Variants in PCCB observed in about 807,000 individuals in gnomAD.
The protein encoded by PCCB is propionyl-CoA carboxylase subunit beta.
In PCCB, 43 loss-of-function variants were observed where a neutral mutation model predicts 60.7. The ratio of observed to expected loss-of-function variants is 0.71; its 90% CI spans 0.55 to 0.91. PCCB has a LOEUF of 0.91. Among genes scored for constraint, PCCB ranks in the 40% least tolerant of loss-of-function variants. The pLI is 0.00. For missense variants in PCCB, 766 were observed against 702.8 expected, an observed-to-expected ratio of 1.09 and a Z score of -1.02; for synonymous variants, 276 against 255.9, an observed-to-expected ratio of 1.08 and a Z score of -0.75.
chr3:136,301,013 C>G lies in PCCB; in HGVS notation c.885-17C>G. 1 of 1,610,602 alleles carries G rather than the reference C, an allele frequency of 6.2e-7. No individual in the cohort carries two copies. Among genetic ancestry groups the G allele is most frequent in the Non-Finnish European group, 8.5e-7 (1 of 1,176,814 alleles). On this transcript the variant is annotated splice_polypyrimidine_tract_variant and intron_variant, in intron 8 of 14. Coordinates refer to ENST00000251654, the MANE Select transcript of PCCB (RefSeq NM_000532.5). The stretch of plus-strand genomic sequence containing the variant: ...CTCTTCCTATGTTGACTATACCTGC[C>G]TTTTTTCTGCCTAAAGTGACCGTCT...
intron 6 of PCCB, among the ~76,000 whole-genome samples, chr3:136,286,102 G>A (rs1435984151): frequency 1.3e-5 from 2 of 152,168 alleles, no homozygotes; most frequent in Non-Finnish European, 1.5e-5. Context: ...GAACTTGTAG[G>A]TAAATGGACA....
intron 14 of PCCB, 38 bp downstream of exon 14, chr3:136,328,895 T>C (rs552750421): frequency 2.7e-6 from 4 of 1,464,062 alleles, no homozygotes; most frequent in Admixed American, 1.7e-5. Flanking sequence ...TTTGTTTGTT[T>C]GGTCAACTTG....
At position 136,293,758 on chromosome 3, in the gene PCCB, C is replaced by T; in HGVS notation, c.657C>T (p.Asp219=). The T allele has an allele frequency of 6.3e-7, 1 of 1,599,190 alleles. No homozygotes were observed. The highest frequency in any genetic ancestry group is 8.6e-7 in the Non-Finnish European group (1 of 1,166,492). The change falls in exon 7 of 15, where the codon GAC becomes GAT. Residue 219 remains aspartate, a splice_region_variant and synonymous_variant. Coordinates refer to ENST00000251654, the MANE Select transcript of PCCB (RefSeq NM_000532.5). The part of the protein sequence containing the change: ...ALTDFTFMVK[D]TSYLFITGPD... ...GTTCTGGAAATCTTTTATTTCAGGACACCTCCTACCTGTTCATCACTGGCC... is the reference window on the plus strand; with the variant it reads ...GTTCTGGAAATCTTTTATTTCAGGATACCTCCTACCTGTTCATCACTGGCC...
intron 5 of PCCB, among the ~76,000 whole-genome samples, chr3:136,282,471 T>C (rs1942505885): frequency 1.3e-5 from 2 of 152,208 alleles, no homozygotes; most frequent in Non-Finnish European, 2.9e-5. Context: ...TTTTGAGTTA[T>C]TTTTAGTAGT....
intron 7 of PCCB, among the ~76,000 whole-genome samples, chr3:136,295,834 G>GTTT (rs777323234): frequency 1.4e-5 from 2 of 138,842 alleles, no homozygotes; most frequent in Non-Finnish European, 1.6e-5. Flanking sequence ...TGTAACCTGA[G>GTTT]TTTTTTTTTT....
chr3:136,277,237 G>C (rs1942351207), intron 5 of PCCB, among the ~76,000 whole-genome samples: 1 of 152,200 alleles, frequency 6.6e-6, no homozygotes, highest in Non-Finnish European at 1.5e-5. Context: ...AGGACCTCCT[G>C]GTTAGCCAGG....
chr3:136,317,878 T>C (rs960273738), intron 10 of PCCB, among the ~76,000 whole-genome samples: 1 of 152,224 alleles, frequency 6.6e-6, no homozygotes, highest in African/African-American at 2.4e-5. Context: ...TCCATGGCTG[T>C]GCTCTGGGAG....
At chr3:136,254,887 T>G (rs1941626216) in intron 1 of PCCB, among the ~76,000 whole-genome samples, 1 of 151,474 alleles carries the variant, frequency 6.6e-6, no homozygotes, top group Non-Finnish European at 1.5e-5. Flanking sequence ...GCTTTTTTTT[T>G]TTTTTGGGAC....
chr3:136,315,034 A>G (rs1281995475), intron 9 of PCCB, among the ~76,000 whole-genome samples: 1 of 152,204 alleles, frequency 6.6e-6, no homozygotes, highest in African/African-American at 2.4e-5. Context: ...AATAGAAGTC[A>G]TGCTTTACAA....
intron 5 of PCCB, among the ~76,000 whole-genome samples, chr3:136,269,778 C>T (rs1008017533): frequency 2.0e-5 from 3 of 149,842 alleles, no homozygotes; most frequent in Non-Finnish European, 3.0e-5. Flanking sequence ...CCCAGCTACT[C>T]GGGAGGCTGA....
intron 5 of PCCB, among the ~76,000 whole-genome samples, chr3:136,281,166 C>T (rs140904061): frequency 2.2e-4 from 34 of 151,858 alleles, no homozygotes; most frequent in Admixed American, 3.9e-4. Flanking sequence ...ATACTTATGT[C>T]TTTCATCAAA....
chr3:136,260,435 G>A (rs1941789932), intron 3 of PCCB, 44 bp from the exon 4 acceptor site: 1 of 1,513,486 alleles, frequency 6.6e-7, no homozygotes, highest in Non-Finnish European at 9.2e-7. Context: ...TTCATCTCTA[G>A]CCAGTCACTA....
intron 5 of PCCB, among the ~76,000 whole-genome samples, chr3:136,275,517 C>G (rs1013980199): frequency 6.6e-5 from 10 of 151,962 alleles, no homozygotes; most frequent in African/African-American, 2.4e-4. Flanking sequence ...TTGTCTTATA[C>G]CAAAATTACT....
intron 5 of PCCB, among the ~76,000 whole-genome samples, chr3:136,270,612 TCTC>T: frequency 6.6e-6 from 1 of 152,290 alleles, no homozygotes; most frequent in Non-Finnish European, 1.5e-5. Context: ...TTAAAGCAGT[TCTC>T]CTGTCTCAGC....
intron 3 of PCCB, among the ~76,000 whole-genome samples, chr3:136,257,178 C>A (rs1941694045): frequency 6.6e-6 from 1 of 152,088 alleles, no homozygotes; most frequent in Admixed American, 6.5e-5. Flanking sequence ...GGGAGAGTAG[C>A]CTGATTTATC....
In PCCB at chr3:136,326,688, A is replaced by T. The variant is rs571585269; in HGVS notation, c.1091-115A>T. The T allele has an allele frequency of 4.1e-4, 326 of 787,930 alleles. 2 individuals carry two copies. Among genetic ancestry groups the T allele is most frequent in the South Asian group, 3.6e-3 (267 of 73,748 alleles). The allele number at this position is 787,930 out of a possible 1,614,324, so 48.8% of individuals were successfully genotyped here. A position where few individuals can be genotyped will look rare whatever the true frequency, so the allele number is the denominator to read the frequency against. On this transcript the variant is annotated intron_variant, in intron 10 of 14. Coordinates refer to ENST00000251654, the MANE Select transcript of PCCB (RefSeq NM_000532.5). The stretch of plus-strand genomic sequence containing the variant: ...CCTTGTTACCATTCTGCAACAAAGA[A>T]GTGTTGGTGCCTCCACAGAAACCAG...
intron 1 of PCCB, among the ~76,000 whole-genome samples, chr3:136,253,755 C>T (rs72493178): frequency 0.028 from 4,167 of 150,030 alleles, 108 homozygotes; most frequent in East Asian, 0.13. Flanking sequence ...AGTGCATCCT[C>T]GACCTCTGGG....
chr3:136,267,893 A>G (rs1465711373), intron 5 of PCCB, among the ~76,000 whole-genome samples: 1 of 149,468 alleles, frequency 6.7e-6, no homozygotes, highest in Non-Finnish European at 1.5e-5. Context: ...TTGTAATACA[A>G]AGTCATGAAG....
At chr3:136,281,091 T>C (rs1942463241) in intron 5 of PCCB, among the ~76,000 whole-genome samples, 1 of 152,168 alleles carries the variant, frequency 6.6e-6, no homozygotes, top group South Asian at 2.1e-4. Context: ...TTGACTATAA[T>C]ATGTCTCCGT....
Sources: gnomAD v4.1 joint callset for allele counts (sites outside exome capture counted in the v4.1 genomes callset) on GRCh38, gnomAD v4.1.1 for gene constraint, MANE v1.5 for transcripts, NCBI Gene and HGNC (gene_info 2026-07-23, HGNC 2026-07-21) for gene names.